The following INPP4B variants were observed in gnomAD, a reference collection of about 807,000 sequenced individuals.
The protein encoded by INPP4B is inositol polyphosphate 4-phosphatase type II.
A neutral mutation model predicts 122.5 loss-of-function variants in INPP4B; 55 were observed. That is an observed-to-expected ratio of 0.45 (90% CI 0.36 to 0.56). INPP4B has a LOEUF of 0.56. Ranked by LOEUF, INPP4B falls within the 20% of genes least tolerant of loss-of-function variation. The probability of loss-of-function intolerance (pLI) is 0.00; values close to 1 mark genes in which losing one functional copy is unlikely to be tolerated. For missense variants in INPP4B, 1,000 were observed against 1,097.7 expected, an observed-to-expected ratio of 0.91 and a Z score of 1.26; for synonymous variants, 403 against 388.7, an observed-to-expected ratio of 1.04 and a Z score of -0.43.
rs559672746 is a variant in INPP4B, at chr4:142,218,036, T to C, written c.837-9010A>G. 1.3e-3 allele frequency among the ~76,000 whole-genome samples: 192 copies of C among 149,148 alleles called. 1 individual carries two copies. Among genetic ancestry groups the C allele is most frequent in the African/African-American group, 4.5e-3 (184 of 40,704 alleles). On this transcript the variant is annotated intron_variant, in intron 12 of 25. Coordinates refer to ENST00000262992, the MANE Select transcript of INPP4B (RefSeq NM_001101669.3). ...ATGTAAACCAATTCTTTCTAATAAA[T>C]TGTGTGTGTGTGTGTGTGTGTGTGT... is the stretch of plus-strand genomic sequence containing the variant.
At chr4:142,234,436 A>ATTTCT (rs1855795624) in intron 12 of INPP4B, among the ~76,000 whole-genome samples, 1 of 151,926 alleles carries the variant, frequency 6.6e-6, no homozygotes, top group Non-Finnish European at 1.5e-5. Flanking sequence ...CTTTGTATAG[A>ATTTCT]TTTCTTATTC....
intron 16 of INPP4B, among the ~76,000 whole-genome samples, chr4:142,165,101 C>T (rs1467933457): frequency 6.6e-6 from 1 of 151,772 alleles, no homozygotes; most frequent in East Asian, 1.9e-4. Context: ...CTCTATCCAT[C>T]TCCTGAACCA....
At chr4:142,646,404 T>C (rs1751784585) in intron 2 of INPP4B, among the ~76,000 whole-genome samples, 2 of 152,002 alleles carry the variant, frequency 1.3e-5, no homozygotes, top group South Asian at 2.1e-4. Flanking sequence ...AGGCAAAAGA[T>C]CCAAAATCAG....
intron 3 of INPP4B, among the ~76,000 whole-genome samples, chr4:142,449,234 C>T (rs1402019312): frequency 6.6e-6 from 1 of 152,158 alleles, no homozygotes; most frequent in Non-Finnish European, 1.5e-5. Flanking sequence ...CGCGAGGAAG[C>T]AACACTGACA....
chr4:142,558,558 G>T lies in INPP4B; in HGVS notation c.-190-95832C>A, dbSNP rs28570394. The stretch of plus-strand genomic sequence containing the variant: ...TCTATAATCCATAGGTATTATTCAG[G>T]CTATGGTGTGCCACTGTTAACAAAT... On this transcript the variant is annotated intron_variant, in intron 2 of 25. Coordinates refer to ENST00000262992, the MANE Select transcript of INPP4B (RefSeq NM_001101669.3). Among the ~76,000 whole-genome samples, 968 of 151,882 alleles carry T rather than the reference G, an allele frequency of 6.4e-3. 11 individuals carry two copies. The highest frequency in any genetic ancestry group is 0.022 in the African/African-American group (910 of 41,468).
At chr4:142,752,684 T>C (rs1347382634) in intron 1 of INPP4B, among the ~76,000 whole-genome samples, 1 of 152,082 alleles carries the variant, frequency 6.6e-6, no homozygotes. Context: ...AGATCCTCTG[T>C]AATTCTTCAC....
intron 7 of INPP4B, among the ~76,000 whole-genome samples, chr4:142,394,255 C>T (rs540779981): frequency 3.0e-4 from 46 of 152,294 alleles, no homozygotes; most frequent in Admixed American, 1.6e-3. Flanking sequence ...ATGCCATTCT[C>T]CTGCCTCAGT....
At position 142,382,049 on chromosome 4, in the gene INPP4B, G is replaced by A. The variant is rs114654898; in HGVS notation, c.372+20889C>T. 5.5e-3 allele frequency among the ~76,000 whole-genome samples: 840 copies of A among 152,042 alleles called. 5 individuals carry two copies. Among genetic ancestry groups the A allele is most frequent in the African/African-American group, 0.019 (795 of 41,470 alleles). On this transcript the variant is annotated intron_variant, in intron 7 of 25. Coordinates refer to ENST00000262992, the MANE Select transcript of INPP4B (RefSeq NM_001101669.3). ...TACCCATAATTTTAAAGAAAAAAAC[G>A]TATCTAATTCCCAACATTCCTCTCC...
At chr4:142,444,845 A>G (rs955345251) in intron 3 of INPP4B, among the ~76,000 whole-genome samples, 7 of 152,088 alleles carry the variant, frequency 4.6e-5, no homozygotes, top group Non-Finnish European at 8.8e-5. Context: ...GAAAAAAAAG[A>G]ATGAGTTTAT....
At chr4:142,619,928 T>C (rs1480491807) in intron 2 of INPP4B, among the ~76,000 whole-genome samples, 1 of 152,058 alleles carries the variant, frequency 6.6e-6, no homozygotes, top group Non-Finnish European at 1.5e-5. Context: ...CACAGAATCA[T>C]AGTCCTAAAA....
At chr4:142,762,017 G>A (rs944629147) in intron 1 of INPP4B, among the ~76,000 whole-genome samples, 3 of 152,128 alleles carry the variant, frequency 2.0e-5, no homozygotes, top group African/African-American at 7.2e-5. Context: ...AAAGAAAAAT[G>A]TGTTGCATAA....
chr4:142,148,154 G>T (rs554740523), intron 17 of INPP4B, among the ~76,000 whole-genome samples: 52 of 152,248 alleles, frequency 3.4e-4, no homozygotes, highest in African/African-American at 1.2e-3. Context: ...AGGGGAGCAG[G>T]TTCCCCTCAA....
At chr4:142,087,260 G>A (rs1023032483) in intron 23 of INPP4B, among the ~76,000 whole-genome samples, 2 of 152,044 alleles carry the variant, frequency 1.3e-5, no homozygotes, top group African/African-American at 2.4e-5. Flanking sequence ...GATATGACAC[G>A]GAAAGAGGAA....
intron 2 of INPP4B, among the ~76,000 whole-genome samples, chr4:142,548,845 G>C (rs1187843492): frequency 6.6e-6 from 1 of 151,420 alleles, no homozygotes; most frequent in Non-Finnish European, 1.5e-5. Context: ...ATTTTATAAG[G>C]CTTCCTTAAA....
intron 7 of INPP4B, among the ~76,000 whole-genome samples, chr4:142,357,493 T>G (rs923000419): frequency 6.6e-6 from 1 of 152,028 alleles, no homozygotes; most frequent in Admixed American, 6.6e-5. Context: ...TATATTTACA[T>G]GGCAATTCTA....
At chr4:142,213,343 G>T (rs1845679306) in intron 12 of INPP4B, among the ~76,000 whole-genome samples, 2 of 152,118 alleles carry the variant, frequency 1.3e-5, no homozygotes, top group Admixed American at 6.6e-5. Flanking sequence ...TCTGTTTCTG[G>T]CATTTAATAG....
Position 142,028,585 on chromosome 4 carries a change from G to A in INPP4B, c.*197C>T, listed in dbSNP as rs1314134102. On this transcript the variant is annotated 3_prime_UTR_variant, in exon 26 of 26. Transcript: ENST00000262992. ...ACTAGAAATGACAGTACTGAATCAT[G>A]TAAGATTTTTTAAAATGGATTTCTT... 5 of 573,868 alleles carry A rather than the reference G, an allele frequency of 8.7e-6. No individual in the cohort carries two copies. The highest frequency in any genetic ancestry group is 3.4e-5 in the Admixed American group (1 of 29,372). The allele number at this position is 573,868 out of a possible 1,614,324, so 35.5% of individuals were successfully genotyped here. A position where few individuals can be genotyped will look rare whatever the true frequency, so the allele number is the denominator to read the frequency against.
intron 7 of INPP4B, among the ~76,000 whole-genome samples, chr4:142,329,650 T>C (rs2151516407): frequency 6.6e-6 from 1 of 152,296 alleles, no homozygotes; most frequent in Admixed American, 6.5e-5. Context: ...AAGCTAGATA[T>C]GCAGGTTTTT....
At position 142,733,685 on chromosome 4, in the gene INPP4B, T is replaced by G. The variant is rs184890872; in HGVS notation, c.-253-7784A>C. ...CATATCCTGCTGGTAGGGGTAGAAA[T>G]TCATGTAATTATTTTGGAAAAGAGT... On this transcript the variant is annotated intron_variant, in intron 1 of 25. Coordinates refer to ENST00000262992, the MANE Select transcript of INPP4B (RefSeq NM_001101669.3). Among the ~76,000 whole-genome samples the G allele has an allele frequency of 2.5e-3, 385 of 152,276 alleles. 3 individuals carry two copies. Among genetic ancestry groups the G allele is most frequent in the African/African-American group, 9.0e-3 (373 of 41,560 alleles).
Sources: gnomAD v4.1 joint callset for allele counts (sites outside exome capture counted in the v4.1 genomes callset) on GRCh38, gnomAD v4.1.1 for gene constraint, MANE v1.5 for transcripts, NCBI Gene and HGNC (gene_info 2026-07-23, HGNC 2026-07-21) for gene names.